TRDN: variants seen among roughly 807,000 people sequenced by gnomAD.
TRDN encodes triadin.
In TRDN, 161 loss-of-function variants were observed where a neutral mutation model predicts 149.7. That is an observed-to-expected ratio of 1.08 (90% CI 0.95 to 1.23). The LOEUF is 1.23. Ranked by LOEUF, TRDN falls within the 50% of genes most tolerant of loss-of-function variation. The pLI, the probability that TRDN is intolerant of heterozygous loss-of-function variation, is 0.00. For synonymous variants in TRDN, 294 were observed against 250.5 expected (o/e 1.17, Z -1.64); for missense variants, 896 against 823.5 (o/e 1.09, Z -1.08).
At chr6:123,621,678 G>A (rs1321875) in intron 1 of TRDN, among the ~76,000 whole-genome samples, 37,868 of 151,932 alleles carry the variant, frequency 0.25, 4,869 homozygotes, top group East Asian at 0.43. Context: ...AACAATACAT[G>A]CCATGGTGCT....
rs1263576830 is a variant in TRDN, at chr6:123,352,500, C to G, written c.1369+39G>C. The G allele has an allele frequency of 3.1e-6, 5 of 1,605,840 alleles. No individual in the cohort carries two copies. The South Asian group carries it at 5.5e-5, about 18-fold the overall frequency. On this transcript the variant is annotated intron_variant, in intron 21 of 40. Coordinates refer to ENST00000334268, the MANE Select transcript of TRDN (RefSeq NM_006073.4). ...CTTTCCTCCGCATGTTGTTGTCTTT[C>G]TAAAGAAGATAATGTCAACCTCCTT...
intron 2 of TRDN, among the ~76,000 whole-genome samples, chr6:123,569,158 C>A (rs185788729): frequency 6.6e-6 from 1 of 152,216 alleles, no homozygotes; most frequent in Non-Finnish European, 1.5e-5. Flanking sequence ...CAGGTCCGTA[C>A]TTCTACAGAT....
At chr6:123,402,766 A>G (rs1489950971) in intron 12 of TRDN, among the ~76,000 whole-genome samples, 1 of 152,144 alleles carries the variant, frequency 6.6e-6, no homozygotes, top group African/African-American at 2.4e-5. Context: ...GACTAAGCAA[A>G]TGTTAATGGA....
chr6:123,318,752 A>G (rs574664015), intron 23 of TRDN, among the ~76,000 whole-genome samples: 48 of 152,182 alleles, frequency 3.2e-4, no homozygotes, highest in Non-Finnish European at 5.4e-4. Context: ...CTCAGCCTTA[A>G]TGTTTGTCAA....
intron 38 of TRDN, among the ~76,000 whole-genome samples, chr6:123,233,789 A>G (rs1379896653): frequency 6.6e-6 from 1 of 151,864 alleles, no homozygotes; most frequent in Admixed American, 6.6e-5. Context: ...AGCAAAAATA[A>G]GAGACAGATG....
intron 23 of TRDN, among the ~76,000 whole-genome samples, chr6:123,318,740 T>G (rs1388599135): frequency 6.6e-6 from 1 of 152,088 alleles, no homozygotes; most frequent in Non-Finnish European, 1.5e-5. Context: ...AAATGAAATC[T>G]TCTCAGCCTT....
chr6:123,339,148 G>A (rs1201778744), intron 21 of TRDN, among the ~76,000 whole-genome samples: 1 of 151,954 alleles, frequency 6.6e-6, no homozygotes, highest in Non-Finnish European at 1.5e-5. Context: ...GGGATTACAG[G>A]CACCCACCAG....
At position 123,460,787 on chromosome 6, in the gene TRDN, A is replaced by G. The variant is rs142884915; in HGVS notation, c.931+4119T>C. Among the ~76,000 whole-genome samples the G allele has an allele frequency of 7.0e-4, 106 of 152,220 alleles. 1 individual carries two copies. In the East Asian group the frequency reaches 0.019, roughly 27 times the overall value. ...GCATCCTATGGTAAAAAATTATCCT[A>G]TAATAAATTTTATATAATGTTCTTT... On this transcript the variant is annotated intron_variant, in intron 10 of 40. Transcript: ENST00000334268.
At chr6:123,364,709 A>T (rs529326263) in intron 20 of TRDN, among the ~76,000 whole-genome samples, 7 of 152,290 alleles carry the variant, frequency 4.6e-5, no homozygotes, top group Middle Eastern at 3.4e-3. Context: ...TGCTATTTGG[A>T]CATCTTGTTG....
At chr6:123,529,238 G>A in intron 5 of TRDN, 3 of 1,548,842 alleles carry the variant, frequency 1.9e-6, no homozygotes, top group African/African-American at 2.7e-5. Flanking sequence ...GAAACACAGA[G>A]CCAGTTCAGT....
At chr6:123,503,677 T>C (rs1778796000) in intron 8 of TRDN, 42 bp downstream of exon 8, 1 of 1,611,764 alleles carries the variant, frequency 6.2e-7, no homozygotes, top group East Asian at 2.2e-5. Context: ...TTGCCCAATA[T>C]TCTCTTAGAA....
At chr6:123,616,389 T>C (rs967512768) in intron 1 of TRDN, among the ~76,000 whole-genome samples, 1 of 145,964 alleles carries the variant, frequency 6.9e-6, no homozygotes, top group African/African-American at 2.7e-5. Flanking sequence ...TAAAGCAGGT[T>C]TGCAAAAAAA....
rs777796676 is a variant in TRDN at position 123,512,338 on chromosome 6, T to G, written c.575A>C (p.Lys192Thr). Residue 192 changes from lysine (K) to threonine (T), a missense_variant, in exon 7 of 41, where the codon AAA (lysine) becomes ACA (threonine). Lys to Thr is a moderately conservative substitution (Grantham distance 78). Transcript: ENST00000334268. ...KKATHKEKIE[K>T]KEKPETKTLA... ...TGTCTTTGTTTCTGGTTTTTCTTTT[T>G]TCTCAATTTTTTCCTTGTGAGTTGC... The G allele has an allele frequency of 1.7e-5, 26 of 1,506,500 alleles. No individual in the cohort carries two copies. In the East Asian group the frequency reaches 5.8e-4, roughly 34 times the overall value. 93.3% of individuals were successfully genotyped at this position (1,506,500 alleles called of 1,614,324 possible). A position where few individuals can be genotyped will look rare whatever the true frequency, so the allele number is the denominator to read the frequency against.
intron 24 of TRDN, among the ~76,000 whole-genome samples, chr6:123,290,314 G>A (rs898273871): frequency 6.6e-6 from 1 of 151,790 alleles, no homozygotes; most frequent in African/African-American, 2.4e-5. Context: ...TATCTAGTGT[G>A]TTTCTTTAGC....
chr6:123,320,541 A>T (rs1779203923), intron 23 of TRDN, among the ~76,000 whole-genome samples: 1 of 144,128 alleles, frequency 6.9e-6, no homozygotes, highest in Non-Finnish European at 1.5e-5. Context: ...AGATAGCAAT[A>T]CTGAGACTTA....
intron 24 of TRDN, among the ~76,000 whole-genome samples, chr6:123,300,155 T>C (rs924132157): frequency 1.3e-5 from 2 of 151,978 alleles, no homozygotes; most frequent in Non-Finnish European, 2.9e-5. Flanking sequence ...TAAATTTCAT[T>C]ACTACCACCT....
chr6:123,323,961 T>A (rs920972222), intron 23 of TRDN, among the ~76,000 whole-genome samples: 3 of 152,220 alleles, frequency 2.0e-5, no homozygotes, highest in Non-Finnish European at 4.4e-5. Flanking sequence ...TTGTAGGTCC[T>A]GCAGAAATTG....
chr6:123,489,800 A>G (rs1412429187), intron 9 of TRDN, among the ~76,000 whole-genome samples: 4 of 152,144 alleles, frequency 2.6e-5, no homozygotes, highest in African/African-American at 7.2e-5. Flanking sequence ...TTATTGCCCC[A>G]TCATCACTAT....
intron 2 of TRDN, among the ~76,000 whole-genome samples, chr6:123,560,694 T>A (rs750162370): frequency 6.6e-6 from 1 of 152,180 alleles, no homozygotes; most frequent in Non-Finnish European, 1.5e-5. Flanking sequence ...CTGGCCACTC[T>A]CACCCACTCC....
Sources: gnomAD v4.1 joint callset for allele counts (sites outside exome capture counted in the v4.1 genomes callset) on GRCh38, gnomAD v4.1.1 for gene constraint, MANE v1.5 for transcripts, NCBI Gene and HGNC (gene_info 2026-07-23, HGNC 2026-07-21) for gene names.